The following NCAM1 variants were observed in gnomAD, a reference collection of about 807,000 sequenced individuals.
The protein encoded by NCAM1 is antigen recognized by monoclonal antibody 5.1H11.
Under a neutral mutation model 109.8 loss-of-function variants are expected in NCAM1, and 14 were observed. The ratio of observed to expected loss-of-function variants is 0.13; its 90% CI spans 0.08 to 0.20. The LOEUF (loss-of-function observed/expected upper bound fraction) is 0.20, where lower values mean the gene tolerates loss of function less well. Among genes scored for constraint, NCAM1 ranks in the 10% least tolerant of loss-of-function variants. The pLI is 1.00. For missense variants in NCAM1, 774 were observed against 1,109.9 expected (o/e 0.70, Z 4.30); for synonymous variants, 418 against 442.9 (o/e 0.94, Z 0.70).
intron 1 of NCAM1, among the ~76,000 whole-genome samples, chr11:113,074,138 C>T (rs1324078544): frequency 6.6e-6 from 1 of 152,178 alleles, no homozygotes; most frequent in Non-Finnish European, 1.5e-5. Context: ...CTGCTGTGTC[C>T]TTCTCTCCAG....
At chr11:113,151,379 T>C (rs1420575946) in intron 1 of NCAM1, among the ~76,000 whole-genome samples, 2 of 152,170 alleles carry the variant, frequency 1.3e-5, no homozygotes, top group Non-Finnish European at 2.9e-5. Context: ...TATGGCCACA[T>C]TGAATTGACC....
intron 1 of NCAM1, among the ~76,000 whole-genome samples, chr11:112,999,523 T>C (rs552560926): frequency 7.2e-5 from 11 of 152,136 alleles, no homozygotes; most frequent in Admixed American, 7.2e-4. Context: ...TTTCAAATTA[T>C]GGGGCCTTCG....
chr11:113,169,466 A>G (rs1942918945), intron 1 of NCAM1, among the ~76,000 whole-genome samples: 1 of 152,124 alleles, frequency 6.6e-6, no homozygotes, highest in African/African-American at 2.4e-5. Flanking sequence ...TGTACCTCAC[A>G]TAGGGGAAGA....
chr11:113,196,441 C>A (rs538429607), intron 1 of NCAM1, among the ~76,000 whole-genome samples: 3 of 152,328 alleles, frequency 2.0e-5, no homozygotes, highest in African/African-American at 7.2e-5. Context: ...GTTGCTTTAT[C>A]TTAAACCATA....
intron 1 of NCAM1, among the ~76,000 whole-genome samples, chr11:113,188,238 A>G (rs1555109213): frequency 5.3e-5 from 8 of 152,216 alleles, no homozygotes. Context: ...TGAAACCAGC[A>G]GCCCATTTTA....
chr11:113,135,444 T>G (rs1362569449), intron 1 of NCAM1, among the ~76,000 whole-genome samples: 6 of 152,138 alleles, frequency 3.9e-5, no homozygotes, highest in African/African-American at 1.2e-4. Context: ...TGCGATGTGT[T>G]GAGCCCTTGT....
chr11:113,114,493 G>C (rs1366429268), intron 1 of NCAM1, among the ~76,000 whole-genome samples: 2 of 152,212 alleles, frequency 1.3e-5, no homozygotes, highest in African/African-American at 4.8e-5. Context: ...CCATGTCACT[G>C]AGTATAATGA....
chr11:113,064,286 G>A (rs140258647), intron 1 of NCAM1, among the ~76,000 whole-genome samples: 2 of 152,224 alleles, frequency 1.3e-5, no homozygotes, highest in Admixed American at 1.3e-4. Flanking sequence ...CTGTGTGTTA[G>A]GAAAACCAGT....
rs1942569146 is a variant in NCAM1, at chr11:113,160,567, C to A, written c.53-41812C>A. Among the ~76,000 whole-genome samples, 4 of 152,124 alleles carry A rather than the reference C, an allele frequency of 2.6e-5. No individual in the cohort carries two copies. In the South Asian group the frequency reaches 8.3e-4, roughly 32 times the overall value. On this transcript the variant is annotated intron_variant, in intron 1 of 19. Coordinates refer to ENST00000316851, the MANE Select transcript of NCAM1 (RefSeq NM_181351.5). ...AGAGAAACTCCAGAGCATTTCTTCC[C>A]CTGAACTGATTTTACTTTTTGTCAA... is the stretch of plus-strand genomic sequence containing the variant.
At chr11:113,071,447 A>C (rs1193714297) in intron 1 of NCAM1, among the ~76,000 whole-genome samples, 1 of 124,798 alleles carries the variant, frequency 8.0e-6, no homozygotes, top group Non-Finnish European at 1.6e-5. Context: ...TTTTTTTGAT[A>C]CGGAGTCTCG....
intron 1 of NCAM1, among the ~76,000 whole-genome samples, chr11:113,122,858 C>G (rs1941025973): frequency 6.6e-6 from 1 of 152,198 alleles, no homozygotes; most frequent in South Asian, 2.1e-4. Context: ...CTTTGTAAAT[C>G]TCATCTTTTC....
chr11:113,179,023 C>T (rs899379464), intron 1 of NCAM1, among the ~76,000 whole-genome samples: 6 of 152,126 alleles, frequency 3.9e-5, no homozygotes, highest in African/African-American at 4.8e-5. Flanking sequence ...ATCAACCATA[C>T]GCATCTCTTC....
intron 1 of NCAM1, among the ~76,000 whole-genome samples, chr11:112,983,929 T>C (rs933107049): frequency 2.6e-5 from 4 of 151,930 alleles, no homozygotes; most frequent in Admixed American, 2.0e-4. Context: ...AAGTCTACTG[T>C]CTTAGCATAT....
At chr11:113,182,744 C>T (rs930143007) in intron 1 of NCAM1, among the ~76,000 whole-genome samples, 18 of 152,152 alleles carry the variant, frequency 1.2e-4, no homozygotes, top group Admixed American at 2.6e-4. Flanking sequence ...AGTGGAGAGT[C>T]GAGCGAGCAG....
chr11:113,055,683 T>A (rs983545217), intron 1 of NCAM1, among the ~76,000 whole-genome samples: 4 of 152,020 alleles, frequency 2.6e-5, no homozygotes, highest in Non-Finnish European at 4.4e-5. Flanking sequence ...TCCCTTGAAG[T>A]GAGACCTGTG....
At chr11:113,096,455 AG>A (rs1939601313) in intron 1 of NCAM1, among the ~76,000 whole-genome samples, 1 of 152,116 alleles carries the variant, frequency 6.6e-6, no homozygotes, top group Admixed American at 6.5e-5. Context: ...AGGTATACAC[AG>A]GGTTGTGTGT....
chr11:113,216,324 T>A (rs1944529990), intron 8 of NCAM1, among the ~76,000 whole-genome samples: 1 of 151,938 alleles, frequency 6.6e-6, no homozygotes, highest in South Asian at 2.1e-4. Flanking sequence ...TAATTTTTTT[T>A]TGTATTTTTA....
chr11:113,011,818 G>A (rs1290562070), intron 1 of NCAM1, among the ~76,000 whole-genome samples: 1 of 152,154 alleles, frequency 6.6e-6, no homozygotes, highest in Non-Finnish European at 1.5e-5. Context: ...ACAAGGAAAG[G>A]CTGAAGAATT....
At chr11:113,185,034 C>A (rs1943457254) in intron 1 of NCAM1, among the ~76,000 whole-genome samples, 1 of 135,000 alleles carries the variant, frequency 7.4e-6, no homozygotes, top group Non-Finnish European at 1.6e-5. Flanking sequence ...TGTATATATA[C>A]ATTATATATA....
Sources: allele counts gnomAD v4.1 joint callset (sites outside exome capture counted in the v4.1 genomes callset), GRCh38; gene constraint gnomAD v4.1.1; transcripts MANE v1.5; gene names NCBI Gene and HGNC (gene_info 2026-07-23, HGNC 2026-07-21).